The following UNC80 variants were observed in gnomAD, a reference collection of about 807,000 sequenced individuals.
UNC80 encodes the protein unc-80 subunit of NALCN channel complex, also known as protein unc-80 homolog.
In UNC80, 164 loss-of-function variants were observed where a neutral mutation model predicts 384.6. The observed-to-expected ratio is 0.43, with a 90% CI of 0.38 to 0.49. UNC80 has a LOEUF of 0.49. UNC80 is among the 20% of genes least tolerant of loss of function. The pLI, the probability that UNC80 is intolerant of heterozygous loss-of-function variation, is 0.00. For synonymous variants in UNC80, 1,486 were observed against 1,527.8 expected (o/e 0.97, Z 0.64); for missense variants, 3,330 against 4,143.0 (o/e 0.80, Z 5.39).
chr2:209,915,294 A>G (rs2089403050), intron 31 of UNC80, among the ~76,000 whole-genome samples: 1 of 151,038 alleles, frequency 6.6e-6, no homozygotes, highest in Non-Finnish European at 1.5e-5. Flanking sequence ...AGTCCCAGCT[A>G]CTCGGGAGGC....
chr2:209,794,900 G>T (rs1225432146), intron 7 of UNC80: 1 of 412,612 alleles, frequency 2.4e-6, no homozygotes, highest in Non-Finnish European at 4.8e-6. Context: ...TTTATCAGCA[G>T]CAAGAAAATG....
rs2081557225 is a variant in UNC80, at chr2:209,839,143, T to C, written c.3042-79T>C. On this transcript the variant is annotated intron_variant, in intron 18 of 64. Transcript: ENST00000673920. This position sits in a 1 kb window ranked among gnomAD's most constrained non-coding sequence, Gnocchi z 4.1. The stretch of plus-strand genomic sequence containing the variant: ...TTTGCATGATTTGCCTAAATATCAT[T>C]GACAGGAAGATGAAAGAAATTTAGG... The C allele has an allele frequency of 2.3e-6, 3 of 1,312,730 alleles. No homozygotes were observed. The highest frequency in any genetic ancestry group is 1.4e-5 in the South Asian group (1 of 73,496). 81.3% of individuals were successfully genotyped at this position (1,312,730 alleles called of 1,614,324 possible).
Position 209,976,177 on chromosome 2 carries a change from G to A in UNC80, c.8646G>A (p.Leu2882=), listed in dbSNP as rs1314135528. 6.4e-7 allele frequency: 1 copy of A among 1,551,700 alleles called. No homozygotes were observed. The highest frequency in any genetic ancestry group is 8.7e-7 in the Non-Finnish European group (1 of 1,146,996). Residue 2882 remains leucine, a synonymous_variant, in exon 57 of 65, where the codon CTG becomes CTA. Transcript: ENST00000673920. The surrounding 1 kb of genome is among the most constrained non-coding windows in gnomAD (Gnocchi z 4.3). ...ERQLGSQWYW[L]SLQVKEMALR... ...AGCTCGGAAGCCAGTGGTACTGGCTGAGCCTCCAGGTGAAGGAGATGGCTC... is the reference window on the plus strand; with the variant it reads ...AGCTCGGAAGCCAGTGGTACTGGCTAAGCCTCCAGGTGAAGGAGATGGCTC...
At chr2:209,876,077 G>A (rs2084757720) in intron 23 of UNC80, among the ~76,000 whole-genome samples, 1 of 152,096 alleles carries the variant, frequency 6.6e-6, no homozygotes, top group South Asian at 2.1e-4. Context: ...AGCTAATAAA[G>A]TGTTTCTAGT....
intron 61 of UNC80, among the ~76,000 whole-genome samples, chr2:209,989,805 A>G (rs985523363): frequency 5.3e-5 from 8 of 152,340 alleles, no homozygotes; most frequent in African/African-American, 1.7e-4. Flanking sequence ...TCAATTTGAT[A>G]TAGACCCCAG....
At chr2:209,982,638 C>A in intron 60 of UNC80, 1 of 208,176 alleles carries the variant, frequency 4.8e-6, no homozygotes, top group Admixed American at 5.8e-5. Flanking sequence ...ATGATGGGTA[C>A]TTGGCAAGAG....
At chr2:209,816,347 G>A (rs113278968) in intron 9 of UNC80, among the ~76,000 whole-genome samples, 1,826 of 152,328 alleles carry the variant, frequency 0.012, 39 homozygotes, top group African/African-American at 0.04. Context: ...TGGTAGGAAT[G>A]ATGGGTTTGT....
intron 7 of UNC80, among the ~76,000 whole-genome samples, chr2:209,807,610 G>C (rs1205411893): frequency 2.0e-5 from 3 of 151,888 alleles, no homozygotes; most frequent in Non-Finnish European, 4.4e-5. Context: ...TGATCCGCCT[G>C]CCTCAGCCTC....
intron 61 of UNC80, among the ~76,000 whole-genome samples, chr2:209,991,303 G>A (rs2093386789): frequency 6.6e-6 from 1 of 152,118 alleles, no homozygotes; most frequent in Non-Finnish European, 1.5e-5. Flanking sequence ...TGGGGCACAG[G>A]ATACTTCTTT....
intron 22 of UNC80, among the ~76,000 whole-genome samples, chr2:209,864,354 T>G (rs2083557659): frequency 6.6e-6 from 1 of 152,164 alleles, no homozygotes; most frequent in African/African-American, 2.4e-5. Context: ...ACCCATTTAA[T>G]GAAGCACTTT....
rs1335957708 is a variant in UNC80, at chr2:209,855,907, A to AT, written c.3627+6291dup. 2.0e-5 allele frequency among the ~76,000 whole-genome samples: 3 copies of AT among 151,980 alleles called. No individual in the cohort carries two copies. In the South Asian group the frequency reaches 6.2e-4, roughly 31 times the overall value. Reference sequence around the variant, plus strand: ...CACTCTATGTTAGGTGAACATTTTAATTTTTTTCAAAATTCTGGCTAATTT... The same window carrying AT: ...CACTCTATGTTAGGTGAACATTTTAATTTTTTTTCAAAATTCTGGCTAATTT... On this transcript the variant is annotated intron_variant, in intron 22 of 64. Transcript: ENST00000673920.
At chr2:209,928,887 T>G (rs1474332531) in intron 36 of UNC80, among the ~76,000 whole-genome samples, 2 of 152,112 alleles carry the variant, frequency 1.3e-5, no homozygotes, top group Admixed American at 1.3e-4. Flanking sequence ...TTCCGAGAGA[T>G]CAACTTATTT....
At chr2:209,797,890 T>A (rs2078270005) in intron 7 of UNC80, among the ~76,000 whole-genome samples, 1 of 152,258 alleles carries the variant, frequency 6.6e-6, no homozygotes, top group Non-Finnish European at 1.5e-5. Context: ...TGGTTTTTAT[T>A]TGCATTTCTT....
rs541701439 is a variant in UNC80, at chr2:209,995,598, C to T, written c.*3C>T. 6.4e-7 allele frequency: 1 copy of T among 1,551,716 alleles called. No individual in the cohort carries two copies. On this transcript the variant is annotated 3_prime_UTR_variant, in exon 65 of 65. Coordinates refer to ENST00000673920, the MANE Select transcript of UNC80 (RefSeq NM_001371986.1). Reference sequence around the variant, plus strand: ...TATTAGATGAGTCTCATGTTTAATTCTGTATCTTGTAAGCTCTGCAGGTAT... The same window carrying T: ...TATTAGATGAGTCTCATGTTTAATTTTGTATCTTGTAAGCTCTGCAGGTAT...
chr2:209,921,919 T>C (rs1469886991), intron 34 of UNC80, among the ~76,000 whole-genome samples: 1 of 152,218 alleles, frequency 6.6e-6, no homozygotes, highest in Non-Finnish European at 1.5e-5. Flanking sequence ...AACTGCTGAA[T>C]CCAGTATGTG....
chr2:209,999,143 T>C lies in UNC80; in HGVS notation c.*3548T>C, dbSNP rs1208984526. 4 of 152,220 alleles carry C rather than the reference T, an allele frequency of 2.6e-5. No individual in the cohort carries two copies. Among genetic ancestry groups the C allele is most frequent in the Non-Finnish European group, 5.9e-5 (4 of 68,030 alleles). The allele number at this position is 152,220 out of a possible 1,614,324, so 9.4% of individuals were successfully genotyped here. A position where few individuals can be genotyped will look rare whatever the true frequency, so the allele number is the denominator to read the frequency against. Reference sequence around the variant, plus strand: ...ACACAGCCGACTTCCCTCAGATAACTATGAAGTCTATTATGAGTACTGAAT... The same window carrying C: ...ACACAGCCGACTTCCCTCAGATAACCATGAAGTCTATTATGAGTACTGAAT... On this transcript the variant is annotated 3_prime_UTR_variant, in exon 65 of 65. Coordinates refer to ENST00000673920, the MANE Select transcript of UNC80 (RefSeq NM_001371986.1).
At chr2:209,925,747 A>G (rs2090384777) in intron 35 of UNC80, among the ~76,000 whole-genome samples, 1 of 152,166 alleles carries the variant, frequency 6.6e-6, no homozygotes, top group Non-Finnish European at 1.5e-5. Flanking sequence ...TGATTGGTGC[A>G]TTTACAATCC....
chr2:209,916,779 A>G (rs1032619043), intron 31 of UNC80, among the ~76,000 whole-genome samples: 1 of 152,232 alleles, frequency 6.6e-6, no homozygotes, highest in African/African-American at 2.4e-5. Flanking sequence ...TTCTGACTGC[A>G]CAGATAGATG....
rs538363445 is a variant in UNC80, at chr2:209,969,706, C to G, written c.8007-62C>G. 1.5e-5 allele frequency: 23 copies of G among 1,540,138 alleles called. 1 individual carries two copies. The South Asian group carries it at 2.8e-4, about 19-fold the overall frequency. On this transcript the variant is annotated intron_variant, in intron 52 of 64. Coordinates refer to ENST00000673920, the MANE Select transcript of UNC80 (RefSeq NM_001371986.1). ...ATGGCATCAGAATCACTGTCTCATTCACTTGTTTCAGACTCTCCAGAAGGG... is the reference window on the plus strand; with the variant it reads ...ATGGCATCAGAATCACTGTCTCATTGACTTGTTTCAGACTCTCCAGAAGGG...
Sources: allele counts gnomAD v4.1 joint callset (sites outside exome capture counted in the v4.1 genomes callset), GRCh38; gene constraint gnomAD v4.1.1; non-coding constraint Gnocchi (gnomAD v3.1); transcripts MANE v1.5; gene names NCBI Gene and HGNC (gene_info 2026-07-23, HGNC 2026-07-21).